The following GXYLT2 variants were observed in gnomAD, a reference collection of about 807,000 sequenced individuals.
GXYLT2 encodes the protein glycosyltransferase 8 domain containing 4.
Under a neutral mutation model 45.8 loss-of-function variants are expected in GXYLT2, and 53 were observed. The observed-to-expected ratio is 1.16, with a 90% CI of 0.93 to 1.46. The LOEUF (loss-of-function observed/expected upper bound fraction) is 1.46, where lower values mean the gene tolerates loss of function less well. Ranked by LOEUF, GXYLT2 falls within the 40% of genes most tolerant of loss-of-function variation. GXYLT2 has a pLI of 0.00. For synonymous variants in GXYLT2, 219 were observed against 214.2 expected (o/e 1.02, Z -0.19); for missense variants, 551 against 544.4 (o/e 1.01, Z -0.12).
chr3:72,891,588 A>T (rs1302141821), intron 1 of GXYLT2, among the ~76,000 whole-genome samples: 1 of 152,228 alleles, frequency 6.6e-6, no homozygotes, highest in African/African-American at 2.4e-5. Flanking sequence ...TTCTGGAAGC[A>T]GCAGTCCCAG....
At chr3:72,973,092 T>G (rs368402120) in intron 6 of GXYLT2, among the ~76,000 whole-genome samples, 133 of 151,870 alleles carry the variant, frequency 8.8e-4, no homozygotes, top group African/African-American at 3.0e-3. Context: ...CAAGACCCTA[T>G]CTCAAAAGAA....
At chr3:72,969,148 A>C (rs1710935387) in intron 6 of GXYLT2, among the ~76,000 whole-genome samples, 1 of 152,036 alleles carries the variant, frequency 6.6e-6, no homozygotes, top group African/African-American at 2.4e-5. Context: ...ATAGGGTGGG[A>C]ATGCAGGTAT....
chr3:72,908,188 G>T, intron 1 of GXYLT2, 179 bp from the exon 2 acceptor site: 1 of 575,950 alleles, frequency 1.7e-6, no homozygotes, highest in East Asian at 2.9e-5. Flanking sequence ...ATAAATATGG[G>T]AATAAATGGT....
intron 5 of GXYLT2, among the ~76,000 whole-genome samples, chr3:72,963,646 G>A (rs1053919418): frequency 6.6e-6 from 1 of 150,632 alleles, no homozygotes; most frequent in Non-Finnish European, 1.5e-5. Flanking sequence ...GGGATTACAG[G>A]TGTGTACCAC....
chr3:72,968,419 C>G (rs72883839), intron 6 of GXYLT2, among the ~76,000 whole-genome samples: 66 of 152,306 alleles, frequency 4.3e-4, no homozygotes, highest in African/African-American at 1.5e-3. Context: ...CAATCTGTTA[C>G]TCAATCAGGG....
chr3:72,954,431 G>GTGTATT (rs1240406484), intron 3 of GXYLT2, among the ~76,000 whole-genome samples: 1 of 150,114 alleles, frequency 6.7e-6, no homozygotes. Flanking sequence ...GTGTGTGTGT[G>GTGTATT]TGTATTTGTA....
intron 1 of GXYLT2, among the ~76,000 whole-genome samples, chr3:72,890,552 A>G (rs1179197936): frequency 6.6e-6 from 1 of 152,264 alleles, no homozygotes; most frequent in Non-Finnish European, 1.5e-5. Flanking sequence ...CAGGTTGAGC[A>G]CTTACCTGCT....
At chr3:72,972,904 T>A (rs1711020529) in intron 6 of GXYLT2, among the ~76,000 whole-genome samples, 1 of 151,926 alleles carries the variant, frequency 6.6e-6, no homozygotes, top group Admixed American at 6.6e-5. Context: ...CCCACTGTAC[T>A]CCAGCCAGAG....
intron 6 of GXYLT2, among the ~76,000 whole-genome samples, chr3:72,968,207 C>T (rs759338565): frequency 5.9e-5 from 9 of 152,146 alleles, no homozygotes; most frequent in Non-Finnish European, 1.2e-4. Flanking sequence ...CTCCTGACCT[C>T]AAGTGATCCA....
rs183799758 is a variant in GXYLT2, at chr3:72,891,639, T to C, written c.275+3131T>C. On this transcript the variant is annotated intron_variant, in intron 1 of 6. Coordinates refer to ENST00000389617, the MANE Select transcript of GXYLT2 (RefSeq NM_001080393.2). ...AAATCTTCCTTCTATTTTGGCTTATTGGTGATTTACAGCTGGCTGACTTCC... is the reference window on the plus strand; with the variant it reads ...AAATCTTCCTTCTATTTTGGCTTATCGGTGATTTACAGCTGGCTGACTTCC... Among the ~76,000 whole-genome samples, 41 of 152,342 alleles carry C rather than the reference T, an allele frequency of 2.7e-4. No individual in the cohort carries two copies. In the East Asian group the frequency reaches 7.5e-3, roughly 28 times the overall value.
chr3:72,956,651 T>C (rs1710654308), intron 4 of GXYLT2, among the ~76,000 whole-genome samples: 1 of 151,916 alleles, frequency 6.6e-6, no homozygotes, highest in African/African-American at 2.4e-5. Context: ...TCCCAGCACT[T>C]TGGGAGGGAG....
At chr3:72,923,145 C>T (rs1470547636) in intron 3 of GXYLT2, among the ~76,000 whole-genome samples, 3 of 152,080 alleles carry the variant, frequency 2.0e-5, no homozygotes, top group Non-Finnish European at 4.4e-5. Context: ...ATCCCAGCTA[C>T]TCAGGAGGCT....
chr3:72,970,705 A>T (rs972225195), intron 6 of GXYLT2, among the ~76,000 whole-genome samples: 2 of 152,066 alleles, frequency 1.3e-5, no homozygotes, highest in African/African-American at 4.8e-5. Flanking sequence ...TCTACTAAAA[A>T]TACAAAATTA....
chr3:72,898,887 A>T (rs987082247), intron 1 of GXYLT2, among the ~76,000 whole-genome samples: 1 of 152,056 alleles, frequency 6.6e-6, no homozygotes, highest in South Asian at 2.1e-4. Flanking sequence ...ATGTGCCACC[A>T]TGCCCGGCTA....
intron 3 of GXYLT2, among the ~76,000 whole-genome samples, chr3:72,931,592 A>G (rs1272449052): frequency 1.3e-5 from 2 of 152,112 alleles, no homozygotes; most frequent in African/African-American, 2.4e-5. Context: ...GGAAACTACA[A>G]TGAAAATGAA....
At chr3:72,899,025 C>A (rs891665496) in intron 1 of GXYLT2, among the ~76,000 whole-genome samples, 1 of 152,146 alleles carries the variant, frequency 6.6e-6, no homozygotes. Flanking sequence ...GCCACCGCGC[C>A]CGGCCAGAGA....
intron 3 of GXYLT2, among the ~76,000 whole-genome samples, chr3:72,951,564 G>T (rs532061662): frequency 2.6e-5 from 4 of 152,226 alleles, no homozygotes; most frequent in Non-Finnish European, 5.9e-5. Context: ...AGTCACGAGG[G>T]TATTACCTCA....
At chr3:72,948,666 G>A (rs535529375) in intron 3 of GXYLT2, among the ~76,000 whole-genome samples, 3 of 151,882 alleles carry the variant, frequency 2.0e-5, no homozygotes, top group East Asian at 1.9e-4. Context: ...GTGAAACCCC[G>A]TCTCTACTGA....
intron 2 of GXYLT2, among the ~76,000 whole-genome samples, chr3:72,914,053 A>G (rs1709684360): frequency 1.3e-5 from 2 of 152,230 alleles, no homozygotes; most frequent in South Asian, 4.2e-4. Context: ...ACCCTTCTCC[A>G]GGGCATTGTG....
Sources: allele counts gnomAD v4.1 joint callset (sites outside exome capture counted in the v4.1 genomes callset), GRCh38; gene constraint gnomAD v4.1.1; transcripts MANE v1.5; gene names NCBI Gene and HGNC (gene_info 2026-07-23, HGNC 2026-07-21).